The following EPB41L5 variants were observed in gnomAD, a reference collection of about 807,000 sequenced individuals.
The protein encoded by EPB41L5 is band 4.1-like protein 5.
Under a neutral mutation model 106.6 loss-of-function variants are expected in EPB41L5, and 55 were observed. The observed-to-expected ratio is 0.52, with a 90% CI of 0.42 to 0.65. The LOEUF is 0.65. EPB41L5 is among the 30% of genes least tolerant of loss of function. The pLI is 0.00. For synonymous variants in EPB41L5, 297 were observed against 306.7 expected, an observed-to-expected ratio of 0.97 and a Z score of 0.33; for missense variants, 871 against 882.1, an observed-to-expected ratio of 0.99 and a Z score of 0.16.
At chr2:120,078,614 GT>G in intron 10 of EPB41L5, 33 bp downstream of exon 10, 1 of 1,462,504 alleles carries the variant, frequency 6.8e-7, no homozygotes. Context: ...GATACTTACT[GT>G]TGTTTTGGTT....
chr2:120,064,956 T>G (rs1014459935), intron 3 of EPB41L5, among the ~76,000 whole-genome samples: 2 of 152,184 alleles, frequency 1.3e-5, no homozygotes, highest in Non-Finnish European at 2.9e-5. Flanking sequence ...CCACAGCTCC[T>G]AAATCTCACT....
chr2:120,141,834 G>C (rs939136861), intron 18 of EPB41L5, among the ~76,000 whole-genome samples: 5 of 152,028 alleles, frequency 3.3e-5, no homozygotes, highest in Non-Finnish European at 7.4e-5. Flanking sequence ...ATGGCCTCAG[G>C]GAAGAGTTAA....
intron 4 of EPB41L5, among the ~76,000 whole-genome samples, chr2:120,073,819 G>A (rs1329385422): frequency 6.6e-6 from 1 of 152,078 alleles, no homozygotes; most frequent in Non-Finnish European, 1.5e-5. Context: ...AGGTTTTCAG[G>A]GCTGTTAGGT....
At chr2:120,162,199 C>G (rs1687164333) in intron 21 of EPB41L5, among the ~76,000 whole-genome samples, 1 of 152,190 alleles carries the variant, frequency 6.6e-6, no homozygotes, top group Admixed American at 6.5e-5. Flanking sequence ...AGGGACCTAT[C>G]ACTATCACTA....
chr2:120,105,812 G>T (rs1424592521), intron 16 of EPB41L5: 2 of 985,114 alleles, frequency 2.0e-6, no homozygotes, highest in African/African-American at 3.5e-5. Flanking sequence ...TGTCATGGCT[G>T]ATTTTTTTTC....
chr2:120,052,953 C>G (rs1399152158), intron 3 of EPB41L5, among the ~76,000 whole-genome samples: 1 of 152,150 alleles, frequency 6.6e-6, no homozygotes, highest in Non-Finnish European at 1.5e-5. Context: ...AGAAACCAGG[C>G]TATGATTATC....
intron 23 of EPB41L5, 91 bp downstream of exon 23, chr2:120,167,598 CATG>C: frequency 7.3e-7 from 1 of 1,360,826 alleles, no homozygotes; most frequent in East Asian, 2.3e-5. Flanking sequence ...TCCTTAAAAA[CATG>C]AGGGTTGTTA....
intron 18 of EPB41L5, among the ~76,000 whole-genome samples, chr2:120,136,403 T>G (rs1003148632): frequency 6.6e-6 from 1 of 151,206 alleles, no homozygotes; most frequent in Non-Finnish European, 1.5e-5. Flanking sequence ...AATCCTTACT[T>G]ATCAATAATA....
chr2:120,127,544 T>A (rs1685512938), intron 16 of EPB41L5, 144 bp from the exon 17 acceptor site: 9 of 613,258 alleles, frequency 1.5e-5, no homozygotes, highest in Non-Finnish European at 2.4e-5. Flanking sequence ...AATGTTTTTT[T>A]AATTTTTATT....
intron 3 of EPB41L5, among the ~76,000 whole-genome samples, chr2:120,060,852 A>G (rs975671195): frequency 2.6e-5 from 4 of 152,124 alleles, no homozygotes; most frequent in Admixed American, 2.0e-4. Flanking sequence ...TCTTACTATC[A>G]TTCCAACTTT....
intron 24 of EPB41L5, 76 bp from the exon 25 acceptor site, chr2:120,174,764 TG>T: frequency 8.2e-7 from 1 of 1,224,712 alleles, no homozygotes; most frequent in Non-Finnish European, 1.2e-6. Flanking sequence ...ATGCTCTGTG[TG>T]GCACTAATGG....
At chr2:120,033,401 T>C (rs1186985644) in intron 2 of EPB41L5, among the ~76,000 whole-genome samples, 1 of 152,130 alleles carries the variant, frequency 6.6e-6, no homozygotes, top group African/African-American at 2.4e-5. Flanking sequence ...AATTTTGTTA[T>C]GAGGTTGGTG....
intron 10 of EPB41L5, among the ~76,000 whole-genome samples, chr2:120,085,709 G>A (rs919095117): frequency 5.3e-5 from 8 of 152,152 alleles, no homozygotes; most frequent in African/African-American, 1.9e-4. Context: ...CACCTTTACG[G>A]TTGTCCCTTG....
intron 3 of EPB41L5, among the ~76,000 whole-genome samples, chr2:120,055,836 G>C (rs146934531): frequency 1.4e-3 from 216 of 152,190 alleles, no homozygotes; most frequent in Admixed American, 2.2e-3. Context: ...GTGTTTATTA[G>C]TTTTAATGTG....
chr2:120,140,377 A>G (rs940868772), intron 18 of EPB41L5, among the ~76,000 whole-genome samples: 1 of 152,060 alleles, frequency 6.6e-6, no homozygotes, highest in South Asian at 2.1e-4. Flanking sequence ...ATGATTACAC[A>G]TTGTATGCCT....
At chr2:120,137,182 A>G (rs1386755408) in intron 18 of EPB41L5, among the ~76,000 whole-genome samples, 1 of 152,070 alleles carries the variant, frequency 6.6e-6, no homozygotes, top group African/African-American at 2.4e-5. Flanking sequence ...GAAAATGGAA[A>G]CAAAACATAC....
chr2:120,123,253 A>T (rs767394217), intron 16 of EPB41L5, among the ~76,000 whole-genome samples: 1 of 152,126 alleles, frequency 6.6e-6, no homozygotes, highest in Non-Finnish European at 1.5e-5. Context: ...CAAGTAGTGC[A>T]TCTGACTGTT....
chr2:120,107,111 G>A (rs1255302098), intron 16 of EPB41L5, among the ~76,000 whole-genome samples: 2 of 151,776 alleles, frequency 1.3e-5, no homozygotes, highest in African/African-American at 4.8e-5. Context: ...CTGTTCAAAA[G>A]GTACATCGCC....
intron 3 of EPB41L5, among the ~76,000 whole-genome samples, chr2:120,067,116 A>G (rs1354811775): frequency 6.6e-6 from 1 of 152,258 alleles, no homozygotes; most frequent in Non-Finnish European, 1.5e-5. Context: ...GTCCAACTGA[A>G]TTTATTAAAA....
Sources: gnomAD v4.1 joint callset for allele counts (sites outside exome capture counted in the v4.1 genomes callset) on GRCh38, gnomAD v4.1.1 for gene constraint, MANE v1.5 for transcripts, NCBI Gene and HGNC (gene_info 2026-07-23, HGNC 2026-07-21) for gene names.